TANC2: variants seen among roughly 807,000 people sequenced by gnomAD.
TANC2 encodes protein TANC2.
In TANC2, 26 loss-of-function variants were observed where a neutral mutation model predicts 210.5. The observed-to-expected ratio is 0.12, with a 90% CI of 0.09 to 0.17. The LOEUF is 0.17. TANC2 is among the 10% of genes least tolerant of loss of function. TANC2 has a pLI of 1.00. For synonymous variants in TANC2, 931 were observed against 967.1 expected (o/e 0.96, Z 0.69); for missense variants, 2,129 against 2,608.9 (o/e 0.82, Z 4.01).
intron 16 of TANC2, 47 bp downstream of exon 16, chr17:63,388,804 AAAAAT>A (rs759800739): frequency 7.1e-7 from 1 of 1,406,570 alleles, no homozygotes; most frequent in South Asian, 1.6e-5. Context: ...TTAACTATGA[AAAAAT>A]AAAACTAGAA....
intron 7 of TANC2, among the ~76,000 whole-genome samples, chr17:63,204,343 T>G (rs2041629452): frequency 6.6e-6 from 1 of 151,996 alleles, no homozygotes; most frequent in African/African-American, 2.4e-5. Context: ...ATTTTAAGAC[T>G]TAAATGGAAA....
chr17:63,304,191 T>G (rs2044820666), intron 9 of TANC2, among the ~76,000 whole-genome samples: 2 of 152,174 alleles, frequency 1.3e-5, no homozygotes, highest in Admixed American at 1.3e-4. Context: ...TTTCAGCATT[T>G]ATCATTGATT....
At chr17:63,374,042 T>TTG (rs780840741) in intron 14 of TANC2, among the ~76,000 whole-genome samples, 6 of 144,984 alleles carry the variant, frequency 4.1e-5, no homozygotes, top group African/African-American at 2.6e-5. Flanking sequence ...GTTTTTTTTT[T>TTG]TTTTTTTTTT....
At chr17:63,378,397 G>GA (rs367900946) in intron 14 of TANC2, among the ~76,000 whole-genome samples, 41 of 143,850 alleles carry the variant, frequency 2.9e-4, no homozygotes, top group East Asian at 8.0e-4. Flanking sequence ...CTTTGAGCTG[G>GA]AAAAAAAAAA....
chr17:63,107,191 A>G (rs1428239404), intron 4 of TANC2, among the ~76,000 whole-genome samples: 1 of 151,678 alleles, frequency 6.6e-6, no homozygotes, highest in African/African-American at 2.4e-5. Flanking sequence ...TGTCACAAGA[A>G]AGTGATTTCA....
chr17:63,332,265 A>G, intron 11 of TANC2: 1 of 323,816 alleles, frequency 3.1e-6, no homozygotes, highest in Non-Finnish European at 6.0e-6. Context: ...GTTTTATTTG[A>G]CCCCTTCCAC....
intron 6 of TANC2, among the ~76,000 whole-genome samples, chr17:63,200,077 TG>T (rs1182890457): frequency 6.6e-6 from 1 of 151,940 alleles, no homozygotes; most frequent in Non-Finnish European, 1.5e-5. Flanking sequence ...AATTATTGGC[TG>T]GGTCCAGTGG....
In TANC2 at chr17:63,421,372, C is replaced by G. The variant is rs747393102; in HGVS notation, c.5642C>G (p.Pro1881Arg). The G allele has an allele frequency of 4.3e-6, 7 of 1,613,880 alleles. No homozygotes were observed. In the East Asian group the frequency reaches 1.1e-4, roughly 26 times the overall value. ...ATCTCCTCCACCTCCAACCTAACTC[C>G]GACCTTCCGGCCATCTTCTTCCATC... Residue 1881 changes from proline to arginine, a missense_variant, in exon 28 of 28, where the codon CCG (proline) becomes CGG (arginine). By Grantham distance (103) the Pro-to-Arg change is moderately radical. Around this residue, in one of 5 missense-constraint regions of TANC2, gnomAD observed 584 missense variants for 627.3 expected, o/e 0.93. Coordinates refer to ENST00000689528, the Ensembl canonical transcript of TANC2. The surrounding 1 kb of genome is among the most constrained non-coding windows in gnomAD (Gnocchi z 6.9).
exon 28 of TANC2, chr17:63,426,433 A>G (rs1186889607): frequency 1.3e-5 from 2 of 152,234 alleles, no homozygotes; most frequent in Non-Finnish European, 2.9e-5. Context: ...CACTGTGCAG[A>G]GCTACTTGAA....
chr17:63,085,395 G>A (rs902934233), intron 3 of TANC2, among the ~76,000 whole-genome samples: 1 of 151,554 alleles, frequency 6.6e-6, no homozygotes, highest in African/African-American at 2.4e-5. Context: ...GTTTCTATTC[G>A]TCTTCTACTC....
intron 2 of TANC2, among the ~76,000 whole-genome samples, chr17:63,045,288 G>A (rs936703316): frequency 1.3e-5 from 2 of 152,174 alleles, no homozygotes; most frequent in Non-Finnish European, 2.9e-5. Flanking sequence ...GCAGACCCAT[G>A]TTTTAGATTG....
chr17:63,086,257 A>G (rs757100601), intron 3 of TANC2, among the ~76,000 whole-genome samples: 30 of 151,990 alleles, frequency 2.0e-4, no homozygotes, highest in Non-Finnish European at 1.5e-5. Flanking sequence ...TTTCTGGTCT[A>G]TGGTTTGGTA....
intron 10 of TANC2, among the ~76,000 whole-genome samples, chr17:63,317,741 T>A (rs2045358993): frequency 6.6e-6 from 1 of 152,262 alleles, no homozygotes; most frequent in Non-Finnish European, 1.5e-5. Context: ...CATTGACTAT[T>A]GCCTACCTAT....
chr17:63,118,390 T>C (rs911501284), intron 4 of TANC2, among the ~76,000 whole-genome samples: 2 of 152,186 alleles, frequency 1.3e-5, no homozygotes, highest in African/African-American at 4.8e-5. Context: ...ACAAGATATA[T>C]TGATTTTATA....
At chr17:63,411,043 TC>T (rs745712597) in intron 21 of TANC2, among the ~76,000 whole-genome samples, 5 of 151,810 alleles carry the variant, frequency 3.3e-5, no homozygotes, top group Admixed American at 2.0e-4. Context: ...TGGAGATAGT[TC>T]CTAGAGAATG....
intron 7 of TANC2, among the ~76,000 whole-genome samples, chr17:63,210,012 TA>T (rs1162509653): frequency 6.6e-6 from 1 of 152,242 alleles, no homozygotes; most frequent in African/African-American, 2.4e-5. Context: ...CATTTTTAAA[TA>T]AATCAACTTA....
At chr17:63,192,149 C>G (rs2041207902) in intron 5 of TANC2, among the ~76,000 whole-genome samples, 1 of 152,130 alleles carries the variant, frequency 6.6e-6, no homozygotes, top group African/African-American at 2.4e-5. Flanking sequence ...TATCGGATTT[C>G]TTTCGTTATA....
At chr17:63,088,601 TA>T (rs2144782017) in intron 3 of TANC2, 1 of 152,362 alleles carries the variant, frequency 6.6e-6, no homozygotes, top group South Asian at 2.1e-4. Flanking sequence ...CAGTGCACAG[TA>T]AAATCAGCGC....
intron 4 of TANC2, among the ~76,000 whole-genome samples, chr17:63,124,462 T>C (rs1057174439): frequency 2.0e-5 from 3 of 152,204 alleles, no homozygotes; most frequent in African/African-American, 7.2e-5. Flanking sequence ...TGAACTGTAG[T>C]CCAAACTCTT....
Sources: allele counts gnomAD v4.1 joint callset (sites outside exome capture counted in the v4.1 genomes callset), GRCh38; gene constraint gnomAD v4.1.1; regional missense constraint gnomAD v4.1.1; non-coding constraint Gnocchi (gnomAD v3.1); transcripts MANE v1.5; gene names NCBI Gene and HGNC (gene_info 2026-07-23, HGNC 2026-07-21).